PALM2AKAP2: variants seen among roughly 807,000 people sequenced by gnomAD.
PALM2AKAP2 encodes the protein PALM2 and AKAP2 fusion.
Under a neutral mutation model 71.5 loss-of-function variants are expected in PALM2AKAP2, and 37 were observed. The ratio of observed to expected loss-of-function variants is 0.52; its 90% CI spans 0.40 to 0.68. The LOEUF is 0.68. Ranked by LOEUF, PALM2AKAP2 falls within the 30% of genes least tolerant of loss-of-function variation. The pLI is 0.00. For missense variants in PALM2AKAP2, 1,224 were observed against 1,191.8 expected (o/e 1.03, Z -0.40); for synonymous variants, 468 against 478.8 (o/e 0.98, Z 0.29).
At chr9:109,807,466 G>C (rs1026334556) in intron 1 of PALM2AKAP2, among the ~76,000 whole-genome samples, 1 of 152,062 alleles carries the variant, frequency 6.6e-6, no homozygotes, top group Admixed American at 6.5e-5. Flanking sequence ...AGTAGGTTTG[G>C]TGTCTGGCAA....
chr9:110,025,764 T>C (rs1470678507), intron 7 of PALM2AKAP2, among the ~76,000 whole-genome samples: 1 of 152,256 alleles, frequency 6.6e-6, no homozygotes, highest in Non-Finnish European at 1.5e-5. Flanking sequence ...ATTGTGGTTT[T>C]GGTTTGCATT....
intron 1 of PALM2AKAP2, among the ~76,000 whole-genome samples, chr9:109,748,484 C>T (rs1160751813): frequency 2.0e-5 from 3 of 152,050 alleles, no homozygotes; most frequent in South Asian, 4.2e-4. Context: ...TAAAAGATGG[C>T]GATCCCAGTT....
chr9:109,732,916 G>T (rs1215892431), intron 1 of PALM2AKAP2, among the ~76,000 whole-genome samples: 1 of 152,150 alleles, frequency 6.6e-6, no homozygotes, highest in African/African-American at 2.4e-5. Flanking sequence ...TGGGCATGGG[G>T]TGGGTATGTG....
intron 6 of PALM2AKAP2, among the ~76,000 whole-genome samples, chr9:110,009,487 G>T (rs964055144): frequency 1.2e-4 from 18 of 151,992 alleles, no homozygotes; most frequent in Admixed American, 9.2e-4. Flanking sequence ...GGCCGAGGCG[G>T]GTGGATCACG....
chr9:109,789,528 C>G (rs1202993909), intron 1 of PALM2AKAP2, among the ~76,000 whole-genome samples: 1 of 152,136 alleles, frequency 6.6e-6, no homozygotes, highest in Non-Finnish European at 1.5e-5. Context: ...GTCTTTGTAC[C>G]ATGCATTTTT....
intron 1 of PALM2AKAP2, among the ~76,000 whole-genome samples, chr9:109,665,264 C>T (rs7038227): frequency 0.089 from 13,589 of 152,186 alleles, 734 homozygotes; most frequent in South Asian, 0.19. Context: ...GGAGAAGAGG[C>T]GTTCTGATTT....
chr9:109,956,878 C>T (rs149703892), intron 6 of PALM2AKAP2, among the ~76,000 whole-genome samples: 2 of 152,272 alleles, frequency 1.3e-5, no homozygotes, highest in Non-Finnish European at 2.9e-5. Flanking sequence ...ATTTAGGAAA[C>T]ACTGTCTTGC....
intron 6 of PALM2AKAP2, among the ~76,000 whole-genome samples, chr9:109,949,924 A>G (rs1831595847): frequency 6.6e-6 from 1 of 152,202 alleles, no homozygotes. Flanking sequence ...AGAAATATAT[A>G]TGAAACGGTG....
At chr9:110,073,625 TA>T (rs1834256897) in intron 1 of PALM2AKAP2, among the ~76,000 whole-genome samples, 1 of 152,198 alleles carries the variant, frequency 6.6e-6, no homozygotes, top group Admixed American at 6.5e-5. Flanking sequence ...CCCCAGGAAT[TA>T]AAGGTTGCAC....
intron 6 of PALM2AKAP2, among the ~76,000 whole-genome samples, chr9:110,007,558 G>A (rs1359263650): frequency 6.6e-6 from 1 of 152,196 alleles, no homozygotes; most frequent in Non-Finnish European, 1.5e-5. Flanking sequence ...TTTTAGTGAG[G>A]TATGACACTA....
chr9:110,006,226 TTC>T (rs1287782475), intron 6 of PALM2AKAP2, among the ~76,000 whole-genome samples: 1 of 152,036 alleles, frequency 6.6e-6, no homozygotes, highest in East Asian at 1.9e-4. Context: ...TCTTTCCTCT[TTC>T]TCTCTTTTCC....
intron 1 of PALM2AKAP2, among the ~76,000 whole-genome samples, chr9:110,049,908 G>C (rs1464618346): frequency 2.0e-5 from 3 of 152,230 alleles, no homozygotes; most frequent in Non-Finnish European, 4.4e-5. Context: ...GCGCTCGCCA[G>C]CCTGAGGGAT....
chr9:110,130,688 G>A (rs997003999), intron 1 of PALM2AKAP2, among the ~76,000 whole-genome samples: 25 of 152,314 alleles, frequency 1.6e-4, no homozygotes, highest in African/African-American at 6.0e-4. Flanking sequence ...ACAGGATTCT[G>A]TTACCATTTT....
At chr9:110,120,927 T>A (rs1233445300) in intron 1 of PALM2AKAP2, among the ~76,000 whole-genome samples, 3 of 152,106 alleles carry the variant, frequency 2.0e-5, no homozygotes, top group Non-Finnish European at 4.4e-5. Context: ...TATAAAATAG[T>A]ATTTCAAATA....
intron 6 of PALM2AKAP2, among the ~76,000 whole-genome samples, chr9:109,967,091 G>T (rs1157794737): frequency 6.6e-6 from 1 of 152,138 alleles, no homozygotes; most frequent in Non-Finnish European, 1.5e-5. Flanking sequence ...ACAAGCTGGT[G>T]GTTAGATGTA....
chr9:109,763,708 G>C (rs145529008), intron 1 of PALM2AKAP2, among the ~76,000 whole-genome samples: 16 of 152,242 alleles, frequency 1.1e-4, no homozygotes, highest in Admixed American at 2.0e-4. Flanking sequence ...GGAAGAATCT[G>C]TCCTTGCTTC....
chr9:109,780,468 GCCTGTGTGC>G (rs781602368), exon 1 of PALM2AKAP2: 1 of 1,613,222 alleles, frequency 6.2e-7, no homozygotes. Context: ...TCTTTCCCCT[GCCTGTGTGC>G]CCTTCTCCAG....
intron 1 of PALM2AKAP2, among the ~76,000 whole-genome samples, chr9:109,673,540 T>C (rs1587862513): frequency 6.6e-6 from 1 of 152,166 alleles, no homozygotes; most frequent in East Asian, 1.9e-4. Flanking sequence ...TTAGAGTATG[T>C]GCCACGTGGC....
intron 1 of PALM2AKAP2, among the ~76,000 whole-genome samples, chr9:109,708,927 C>T (rs1253114800): frequency 7.2e-5 from 11 of 152,154 alleles, no homozygotes; most frequent in Admixed American, 7.2e-4. Context: ...GTCAGGAAGG[C>T]TGTGCAGGAG....
Sources: gnomAD v4.1 joint callset for allele counts (sites outside exome capture counted in the v4.1 genomes callset) on GRCh38, gnomAD v4.1.1 for gene constraint, MANE v1.5 for transcripts, NCBI Gene and HGNC (gene_info 2026-07-23, HGNC 2026-07-21) for gene names.